Variants in MAML2 observed in about 807,000 individuals in gnomAD.
MAML2 encodes the protein mastermind-like protein 2.
In MAML2, 22 loss-of-function variants were observed where a neutral mutation model predicts 96.1. That is an observed-to-expected ratio of 0.23 (90% CI 0.16 to 0.33). The LOEUF (loss-of-function observed/expected upper bound fraction) is 0.33, where lower values mean the gene tolerates loss of function less well. Among genes scored for constraint, MAML2 ranks in the 10% least tolerant of loss-of-function variants. The pLI, the probability that MAML2 is intolerant of heterozygous loss-of-function variation, is 1.00. For synonymous variants in MAML2, 561 were observed against 521.3 expected, an observed-to-expected ratio of 1.08 and a Z score of -1.04; for missense variants, 1,367 against 1,392.4, an observed-to-expected ratio of 0.98 and a Z score of 0.29.
chr11:96,091,199 C>T (rs759124360), intron 2 of MAML2, among the ~76,000 whole-genome samples: 15 of 152,168 alleles, frequency 9.9e-5, no homozygotes, highest in Non-Finnish European at 1.9e-4. Context: ...CATCTTTTAA[C>T]ATTTAACTCA....
At chr11:96,186,708 G>C (rs374007968) in intron 1 of MAML2, among the ~76,000 whole-genome samples, 1 of 152,214 alleles carries the variant, frequency 6.6e-6, no homozygotes, top group African/African-American at 2.4e-5. Context: ...GTAGGAAGTA[G>C]CATTATCCTC....
chr11:96,200,318 G>A (rs1861800426), intron 1 of MAML2, among the ~76,000 whole-genome samples: 1 of 152,156 alleles, frequency 6.6e-6, no homozygotes, highest in East Asian at 1.9e-4. Context: ...TGGCCCAGCT[G>A]CAAAACAGAT....
intron 2 of MAML2, among the ~76,000 whole-genome samples, chr11:96,000,026 T>C (rs1858057422): frequency 6.6e-6 from 1 of 152,198 alleles, no homozygotes; most frequent in Non-Finnish European, 1.5e-5. Flanking sequence ...GAAAAACAAG[T>C]TGTCTGAACT....
Position 95,979,511 on chromosome 11 carries a change from C to G in MAML2, c.2908G>C (p.Glu970Gln). The G allele has an allele frequency of 2.5e-6, 4 of 1,613,684 alleles. No homozygotes were observed. Among genetic ancestry groups the G allele is most frequent in the Non-Finnish European group, 3.4e-6 (4 of 1,179,794 alleles). ...GCTTCTTGCTGTTTGCTTGTTCCTT[C>G]TTGAGAGGCCCAGTTTGGTGCAGTT... Reference protein sequence around the residue: ...NTTAPNWASQEGTSKQQEALT... With the variant: ...NTTAPNWASQQGTSKQQEALT... The change falls in exon 5 of 5, where the codon GAA becomes CAA. Residue 970 changes from glutamate to glutamine, a missense_variant. Glu to Gln is a conservative substitution (Grantham distance 29). Transcript: ENST00000524717.
chr11:96,053,624 G>C (rs989639436), intron 2 of MAML2, among the ~76,000 whole-genome samples: 1 of 125,042 alleles, frequency 8.0e-6, no homozygotes, highest in African/African-American at 4.0e-5. Context: ...TTAATGGGAT[G>C]GGGGGGTGAC....
Position 96,198,154 on chromosome 11 carries a change from T to A in MAML2, c.514-104637A>T, listed in dbSNP as rs530448967. On this transcript the variant is annotated intron_variant, in intron 1 of 4. Transcript: ENST00000524717. ...GAATGGTCTGGATAGGTCTTAAGAC[T>A]AGAGCCAGGAAGACATGTTAGAAGG... is the stretch of plus-strand genomic sequence containing the variant. Among the ~76,000 whole-genome samples, 70 of 152,286 alleles carry A rather than the reference T, an allele frequency of 4.6e-4. No individual in the cohort carries two copies. In the Middle Eastern group the frequency reaches 0.01, roughly 22 times the overall value.
intron 1 of MAML2, among the ~76,000 whole-genome samples, chr11:96,336,308 T>C (rs1863920163): frequency 1.3e-5 from 2 of 152,218 alleles, no homozygotes; most frequent in Admixed American, 6.5e-5. Context: ...TTGTACATTC[T>C]AGGACTCAGT....
At position 96,334,805 on chromosome 11, in the gene MAML2, A is replaced by C. The variant is rs761234503; in HGVS notation, c.513+6578T>G. Among the ~76,000 whole-genome samples, 145 of 152,322 alleles carry C rather than the reference A, an allele frequency of 9.5e-4. 1 individual carries two copies. The highest frequency in any genetic ancestry group is 1.2e-3 in the Admixed American group (18 of 15,306). On this transcript the variant is annotated intron_variant, in intron 1 of 4. Coordinates refer to ENST00000524717, the MANE Select transcript of MAML2 (RefSeq NM_032427.4). ...TGCTAAAACATTAAGACCTTTGGAG[A>C]GCTGTAGCATGTGTCAGTATTGCCA... is the stretch of plus-strand genomic sequence containing the variant.
intron 1 of MAML2, among the ~76,000 whole-genome samples, chr11:96,181,597 T>C (rs528795569): frequency 3.5e-4 from 53 of 152,120 alleles, no homozygotes; most frequent in Non-Finnish European, 6.9e-4. Flanking sequence ...GCTCCTAAGA[T>C]GCAAAAAAAT....
intron 2 of MAML2, among the ~76,000 whole-genome samples, chr11:95,996,120 C>T (rs1183022340): frequency 2.0e-5 from 3 of 152,134 alleles, no homozygotes; most frequent in Non-Finnish European, 4.4e-5. Context: ...TGCCTAGTCA[C>T]CCATGAATCC....
At chr11:96,322,467 C>T (rs770706029) in intron 1 of MAML2, among the ~76,000 whole-genome samples, 2 of 152,096 alleles carry the variant, frequency 1.3e-5, no homozygotes, top group Non-Finnish European at 2.9e-5. Flanking sequence ...GGGAGGCGGG[C>T]GGATCACGAG....
intron 2 of MAML2, among the ~76,000 whole-genome samples, chr11:96,051,689 C>T (rs1055725094): frequency 5.9e-5 from 9 of 152,192 alleles, no homozygotes; most frequent in African/African-American, 2.2e-4. Flanking sequence ...CCCATCTCCT[C>T]AAATGCCTGA....
At chr11:96,240,530 C>A in intron 1 of MAML2, among the ~76,000 whole-genome samples, 1 of 109,118 alleles carries the variant, frequency 9.2e-6, no homozygotes. Context: ...CGCAGTCCGG[C>A]CTGGGCGACA....
At chr11:96,337,858 A>G (rs967338728) in intron 1 of MAML2, among the ~76,000 whole-genome samples, 4 of 152,200 alleles carry the variant, frequency 2.6e-5, no homozygotes, top group African/African-American at 9.7e-5. Flanking sequence ...AAACACGCTC[A>G]TTTGCTTCTC....
At chr11:96,263,763 C>T (rs1862784312) in intron 1 of MAML2, among the ~76,000 whole-genome samples, 1 of 152,152 alleles carries the variant, frequency 6.6e-6, no homozygotes, top group Non-Finnish European at 1.5e-5. Context: ...CACAATGACC[C>T]CTTTGAATGG....
At chr11:96,017,053 T>C (rs1241618435) in intron 2 of MAML2, among the ~76,000 whole-genome samples, 1 of 152,196 alleles carries the variant, frequency 6.6e-6, no homozygotes, top group African/African-American at 2.4e-5. Flanking sequence ...ATAATAATAC[T>C]CAACATGTAT....
intron 1 of MAML2, among the ~76,000 whole-genome samples, chr11:96,154,654 C>T (rs955873039): frequency 1.3e-5 from 2 of 152,154 alleles, no homozygotes; most frequent in Non-Finnish European, 2.9e-5. Context: ...TCAACAAACT[C>T]TCAGAGGTAG....
At chr11:96,047,360 T>C (rs1858918201) in intron 2 of MAML2, among the ~76,000 whole-genome samples, 1 of 152,212 alleles carries the variant, frequency 6.6e-6, no homozygotes, top group Non-Finnish European at 1.5e-5. Flanking sequence ...TGTTCTGTCA[T>C]TTTATAATAA....
In MAML2 at chr11:96,213,545, C is replaced by T. The variant is rs185552104; in HGVS notation, c.514-120028G>A. ...AGCATCCCATATGGAAGTAAACTAT[C>T]TGAGATTCTGCCTTAAGAAGTGTAG... On this transcript the variant is annotated intron_variant, in intron 1 of 4. Transcript: ENST00000524717. 7.6e-4 allele frequency among the ~76,000 whole-genome samples: 116 copies of T among 152,302 alleles called. 1 individual carries two copies. Among genetic ancestry groups the T allele is most frequent in the African/African-American group, 2.6e-3 (110 of 41,556 alleles).
Sources: allele counts gnomAD v4.1 joint callset (sites outside exome capture counted in the v4.1 genomes callset), GRCh38; gene constraint gnomAD v4.1.1; transcripts MANE v1.5; gene names NCBI Gene and HGNC (gene_info 2026-07-23, HGNC 2026-07-21).